The following LURAP1L variants were observed in gnomAD, a reference collection of about 807,000 sequenced individuals.
LURAP1L encodes the protein leucine rich adaptor protein 1 like, also known as leucine rich adaptor protein 1-like.
Under a neutral mutation model 13.8 loss-of-function variants are expected in LURAP1L, and 12 were observed. That is an observed-to-expected ratio of 0.87 (90% confidence interval 0.56 to 1.41). LURAP1L has a LOEUF of 1.41. Among genes scored for constraint, LURAP1L ranks in the 40% most tolerant of loss-of-function variants. LURAP1L has a pLI of 0.00. For synonymous variants in LURAP1L, 139 were observed against 119.2 expected (o/e 1.17, Z -1.08); for missense variants, 375 against 292.9 (o/e 1.28, Z -2.04).
intron 1 of LURAP1L, among the ~76,000 whole-genome samples, chr9:12,793,393 T>C (rs2118495516): frequency 6.6e-6 from 1 of 152,222 alleles, no homozygotes; most frequent in South Asian, 2.1e-4. Flanking sequence ...AGTGTACTTA[T>C]ATTTGTTGTC....
intron 1 of LURAP1L, among the ~76,000 whole-genome samples, chr9:12,800,298 A>G (rs1472621909): frequency 6.6e-6 from 1 of 152,214 alleles, no homozygotes; most frequent in Admixed American, 6.5e-5. Context: ...TCATGTACAT[A>G]ATGTATACCA....
chr9:12,793,815 T>A (rs193072307), intron 1 of LURAP1L, among the ~76,000 whole-genome samples: 2 of 152,100 alleles, frequency 1.3e-5, no homozygotes, highest in Admixed American at 1.3e-4. Context: ...CTTTGAAGAG[T>A]GGCGCCTGCA....
In LURAP1L at chr9:12,775,949, C is replaced by A; in HGVS notation, c.234C>A (p.Thr78=). 1 of 1,589,178 alleles carries A rather than the reference C, an allele frequency of 6.3e-7. No homozygotes were observed. The change falls in exon 1 of 2, where the codon ACC becomes ACA. Residue 78 remains threonine, a synonymous_variant. Coordinates refer to ENST00000319264, the MANE Select transcript of LURAP1L (RefSeq NM_203403.2). ...SLSSSSSSSP[T]SGSPRGSHSS... ...CGTCCTCCTCTTCGTCCTCCCCAAC[C>A]TCTGGCTCCCCACGAGGTAGCCACT... is the stretch of plus-strand genomic sequence containing the variant.
At chr9:12,817,045 T>C (rs1037515360) in intron 1 of LURAP1L, among the ~76,000 whole-genome samples, 1 of 152,174 alleles carries the variant, frequency 6.6e-6, no homozygotes, top group African/African-American at 2.4e-5. Flanking sequence ...ATGTTTGGAG[T>C]GTGACTTACA....
chr9:12,807,852 A>C (rs146524133), intron 1 of LURAP1L, among the ~76,000 whole-genome samples: 1 of 151,576 alleles, frequency 6.6e-6, no homozygotes, highest in Non-Finnish European at 1.5e-5. Context: ...TTCTCTTGGC[A>C]TATTAATTAT....
At chr9:12,815,671 T>C (rs1029237440) in intron 1 of LURAP1L, among the ~76,000 whole-genome samples, 4 of 152,080 alleles carry the variant, frequency 2.6e-5, no homozygotes, top group Non-Finnish European at 4.4e-5. Context: ...TTGACATTCA[T>C]AAATAAAAGG....
intron 1 of LURAP1L, among the ~76,000 whole-genome samples, chr9:12,789,844 A>G (rs1819415346): frequency 6.6e-6 from 1 of 152,210 alleles, no homozygotes; most frequent in African/African-American, 2.4e-5. Flanking sequence ...GATTACAAAT[A>G]AATTAAGACT....
At chr9:12,788,099 G>A (rs1464750591) in intron 1 of LURAP1L, among the ~76,000 whole-genome samples, 7 of 140,988 alleles carry the variant, frequency 5.0e-5, no homozygotes, top group Non-Finnish European at 9.1e-5. Flanking sequence ...GTGACAGAGC[G>A]AAACAAAAAA....
At position 12,822,024 on chromosome 9, in the gene LURAP1L, G is replaced by T. The variant is rs1357166574; in HGVS notation, c.*264G>T. 2.9e-6 allele frequency: 1 copy of T among 350,710 alleles called. No homozygotes were observed. Among genetic ancestry groups the T allele is most frequent in the African/African-American group, 2.1e-5 (1 of 47,758 alleles). 21.7% of individuals were successfully genotyped at this position (350,710 alleles called of 1,614,324 possible). A position where few individuals can be genotyped will look rare whatever the true frequency, so the allele number is the denominator to read the frequency against. ...TAGCACAAACAAAGTAGGGGGAAAA[G>T]AATAAGCAATAATTATGTTTTTGCT... is the stretch of plus-strand genomic sequence containing the variant. On this transcript the variant is annotated 3_prime_UTR_variant, in exon 2 of 2. Coordinates refer to ENST00000319264, the MANE Select transcript of LURAP1L (RefSeq NM_203403.2).
chr9:12,794,786 C>T (rs1819490019), intron 1 of LURAP1L, among the ~76,000 whole-genome samples: 1 of 151,758 alleles, frequency 6.6e-6, no homozygotes, highest in Non-Finnish European at 1.5e-5. Context: ...CTCCCCATCT[C>T]TGCTTGTAGA....
At chr9:12,788,242 T>C (rs1819390598) in intron 1 of LURAP1L, among the ~76,000 whole-genome samples, 1 of 151,630 alleles carries the variant, frequency 6.6e-6, no homozygotes, top group South Asian at 2.1e-4. Flanking sequence ...TTTGTATGTA[T>C]ATGACTAAAA....
chr9:12,807,549 G>T (rs1442956764), intron 1 of LURAP1L, among the ~76,000 whole-genome samples: 1 of 152,090 alleles, frequency 6.6e-6, no homozygotes, highest in Non-Finnish European at 1.5e-5. Context: ...CCTGCATAGT[G>T]AAATTAATCT....
At chr9:12,792,918 G>A (rs1819461870) in intron 1 of LURAP1L, among the ~76,000 whole-genome samples, 1 of 151,944 alleles carries the variant, frequency 6.6e-6, no homozygotes, top group Non-Finnish European at 1.5e-5. Flanking sequence ...TTATTTGGAA[G>A]TTTCTAAAAA....
chr9:12,785,744 A>T (rs1358624505), intron 1 of LURAP1L, among the ~76,000 whole-genome samples: 1 of 152,160 alleles, frequency 6.6e-6, no homozygotes, highest in East Asian at 1.9e-4. Context: ...TAGGAGATGG[A>T]GGAGGGGCTG....
chr9:12,815,628 T>C (rs1185067825), intron 1 of LURAP1L, among the ~76,000 whole-genome samples: 1 of 152,132 alleles, frequency 6.6e-6, no homozygotes, highest in Non-Finnish European at 1.5e-5. Flanking sequence ...TACAAATGTA[T>C]AACTAGGAGG....
chr9:12,815,216 C>T (rs1819788718), intron 1 of LURAP1L, among the ~76,000 whole-genome samples: 1 of 152,000 alleles, frequency 6.6e-6, no homozygotes, highest in Admixed American at 6.6e-5. Context: ...TTGAGGATGT[C>T]CTGAATTTGG....
chr9:12,786,862 G>T (rs1038263155), intron 1 of LURAP1L, among the ~76,000 whole-genome samples: 3 of 151,834 alleles, frequency 2.0e-5, no homozygotes, highest in African/African-American at 7.3e-5. Context: ...GATTGGGAAG[G>T]CATAGAATCA....
intron 1 of LURAP1L, among the ~76,000 whole-genome samples, chr9:12,798,723 T>C (rs889309443): frequency 6.6e-6 from 1 of 152,304 alleles, no homozygotes; most frequent in Non-Finnish European, 1.5e-5. Flanking sequence ...CATTATCAGA[T>C]ATAAGGAATA....
At position 12,778,508 on chromosome 9, in the gene LURAP1L, C is replaced by T. The variant is rs564984389; in HGVS notation, c.312+2481C>T. Among the ~76,000 whole-genome samples the T allele has an allele frequency of 7.2e-5, 11 of 152,274 alleles. No individual in the cohort carries two copies. The Middle Eastern group carries it at 0.01, about 141-fold the overall frequency. ...AGGATGCTGGCAGTAATGAGCATTA[C>T]ATCAATGACATGGGTTCCGTTGATC... On this transcript the variant is annotated intron_variant, in intron 1 of 1. Coordinates refer to ENST00000319264, the MANE Select transcript of LURAP1L (RefSeq NM_203403.2).
Sources: allele counts gnomAD v4.1 joint callset (sites outside exome capture counted in the v4.1 genomes callset), GRCh38; gene constraint gnomAD v4.1.1; transcripts MANE v1.5; gene names NCBI Gene and HGNC (gene_info 2026-07-23, HGNC 2026-07-21).